Variants in SYNE2 observed in about 807,000 individuals in gnomAD.
SYNE2 encodes the protein spectrin repeat containing nuclear envelope protein 2.
In SYNE2, 431 loss-of-function variants were observed where a neutral mutation model predicts 856.3. The observed-to-expected ratio is 0.50, with a 90% CI of 0.47 to 0.55. SYNE2 has a LOEUF of 0.55. SYNE2 is among the 20% of genes least tolerant of loss of function. The pLI is 0.00. For synonymous variants in SYNE2, 2,923 were observed against 2,872.3 expected, an observed-to-expected ratio of 1.02 and a Z score of -0.56; for missense variants, 8,129 against 8,023.2, an observed-to-expected ratio of 1.01 and a Z score of -0.50.
intron 65 of SYNE2, among the ~76,000 whole-genome samples, chr14:64,111,978 A>AT (rs1257269711): frequency 6.6e-6 from 1 of 152,200 alleles, no homozygotes; most frequent in Non-Finnish European, 1.5e-5. Context: ...AAGAAATGGC[A>AT]TTTTGGCAGA....
In SYNE2 at chr14:64,212,198, T is replaced by C. The variant is rs552893876; in HGVS notation, c.18861+100T>C. ...TCACACGATACTCTGAGAGCAAATT[T>C]CAGAATTCTTAAAGCAGCCAGGCTA... On this transcript the variant is annotated intron_variant, in intron 104 of 115. Coordinates refer to ENST00000555002, the MANE Select transcript of SYNE2 (RefSeq NM_182914.3). 76 of 1,587,936 alleles carry C rather than the reference T, an allele frequency of 4.8e-5. 2 individuals carry two copies. In the South Asian group the frequency reaches 7.7e-4, roughly 16 times the overall value.
intron 109 of SYNE2, among the ~76,000 whole-genome samples, 162 bp downstream of exon 109, chr14:64,218,674 C>G (rs998085547): frequency 5.3e-5 from 8 of 152,336 alleles, no homozygotes; most frequent in Middle Eastern, 3.4e-3. Context: ...GATTGGCATT[C>G]ACGAACAAAT....
intron 78 of SYNE2, 22 bp from the exon 79 acceptor site, chr14:64,137,765 C>T (rs1479366733): frequency 1.2e-6 from 2 of 1,613,114 alleles, no homozygotes; most frequent in South Asian, 1.1e-5. Context: ...ATAATTCATT[C>T]TATGACTTTA....
chr14:64,140,243 G>T (rs556231298), intron 80 of SYNE2, among the ~76,000 whole-genome samples, 170 bp downstream of exon 80: 1 of 152,116 alleles, frequency 6.6e-6, no homozygotes, highest in Non-Finnish European at 1.5e-5. Context: ...CTGTTCATTC[G>T]TTTATAATAA....
In SYNE2 at chr14:64,125,143, A is replaced by C; in HGVS notation, c.13487A>C (p.Glu4496Ala). Reference protein sequence around the residue: ...TMYNFRYPTTEELKTYTTQLE... With the variant: ...TMYNFRYPTTAELKTYTTQLE... The stretch of plus-strand genomic sequence containing the variant: ...TATAACTTTAGATACCCAACAACTG[A>C]AGAACTGAAAACCTATACCACCCAA... The change falls in exon 71 of 116, where the codon GAA (glutamate) becomes GCA (alanine). Residue 4496 changes from glutamate to alanine, a missense_variant. Coordinates refer to ENST00000555002, the MANE Select transcript of SYNE2 (RefSeq NM_182914.3). 2 of 1,614,216 alleles carry C rather than the reference A, an allele frequency of 1.2e-6. No individual in the cohort carries two copies. Among genetic ancestry groups the C allele is most frequent in the Non-Finnish European group, 1.7e-6 (2 of 1,180,036 alleles).
At chr14:63,909,807 T>C (rs1457333340) in intron 2 of SYNE2, among the ~76,000 whole-genome samples, 2 of 152,266 alleles carry the variant, frequency 1.3e-5, no homozygotes, top group South Asian at 4.1e-4. Flanking sequence ...TGCCATTGCA[T>C]TCCAGCCTGG....
In SYNE2 at chr14:64,027,562, A is replaced by G; in HGVS notation, c.6483A>G (p.Leu2161=). 1.2e-6 allele frequency: 2 copies of G among 1,612,626 alleles called. No homozygotes were observed. Among genetic ancestry groups the G allele is most frequent in the Non-Finnish European group, 1.7e-6 (2 of 1,178,880 alleles). The change falls in exon 43 of 116, where the codon CTA becomes CTG. Residue 2161 remains leucine (L), a synonymous_variant. Coordinates refer to ENST00000555002, the MANE Select transcript of SYNE2 (RefSeq NM_182914.3). ...ATCTGAGATTAATGCTCATAGAACT[A>G]AAGAAGAAACAGGAAGCAGGCTTTG... The part of the protein sequence containing the change: ...KEDLRLMLIE[L]KKKQEAGFAL...
chr14:64,182,399 A>G (rs906450531), intron 96 of SYNE2, among the ~76,000 whole-genome samples: 2 of 151,456 alleles, frequency 1.3e-5, no homozygotes, highest in Non-Finnish European at 2.9e-5. Flanking sequence ...TTATTTGTTT[A>G]TTTATTTATA....
intron 60 of SYNE2, among the ~76,000 whole-genome samples, chr14:64,092,520 A>G (rs2097632244): frequency 6.6e-6 from 1 of 152,248 alleles, no homozygotes; most frequent in Non-Finnish European, 1.5e-5. Context: ...GAACATAGTT[A>G]TTCATTTCCA....
chr14:64,122,334 A>G lies in SYNE2; in HGVS notation c.13329A>G (p.Ser4443=). ...ATGACGTTCCAGACTCGATCTTGTC[A>G]CCCCAGGGCCAAAATGGAGATAAGT... ...PENDVPDSIL[S]PQGQNGDKWQ... The change falls in exon 70 of 116, where the codon TCA becomes TCG. Residue 4443 remains serine (S), a synonymous_variant. Coordinates refer to ENST00000555002, the MANE Select transcript of SYNE2 (RefSeq NM_182914.3). The G allele has an allele frequency of 6.2e-7, 1 of 1,614,140 alleles. No homozygotes were observed. The highest frequency in any genetic ancestry group is 8.5e-7 in the Non-Finnish European group (1 of 1,180,030).
At chr14:63,836,180 C>A (rs1198508287) in intron 1 of SYNE2, among the ~76,000 whole-genome samples, 1 of 152,036 alleles carries the variant, frequency 6.6e-6, no homozygotes, top group Non-Finnish European at 1.5e-5. Flanking sequence ...TGCCACTATG[C>A]CTGGCTAATT....
At position 63,940,541 on chromosome 14, in the gene SYNE2, T is replaced by C. The variant is rs1191866615; in HGVS notation, c.80-73T>C. On this transcript the variant is annotated intron_variant, in intron 2 of 115. Coordinates refer to ENST00000555002, the MANE Select transcript of SYNE2 (RefSeq NM_182914.3). The stretch of plus-strand genomic sequence containing the variant: ...GGCACACACCTAGCGTGACAGACCT[T>C]TGAAGCTCTGATATGTGCAGGAGGT... 3.1e-5 allele frequency: 43 copies of C among 1,402,968 alleles called. 1 individual carries two copies. The South Asian group carries it at 4.3e-4, about 14-fold the overall frequency. The allele number at this position is 1,402,968 out of a possible 1,614,324, so 86.9% of individuals were successfully genotyped here.
chr14:63,936,916 G>A (rs201528370), intron 2 of SYNE2, among the ~76,000 whole-genome samples: 2 of 152,066 alleles, frequency 1.3e-5, no homozygotes, highest in East Asian at 3.9e-4. Context: ...ATATTGTGAG[G>A]GTGGACCTAA....
chr14:64,132,458 G>T lies in SYNE2; in HGVS notation c.14514+20G>T, dbSNP rs753589683. On this transcript the variant is annotated intron_variant, in intron 77 of 115. Coordinates refer to ENST00000555002, the MANE Select transcript of SYNE2 (RefSeq NM_182914.3). Reference sequence around the variant, plus strand: ...TTGCAGGTATTTGGGTTATGTAAACGTTGTACTGAAGCTGGGAATTGCTGA... The same window carrying T: ...TTGCAGGTATTTGGGTTATGTAAACTTTGTACTGAAGCTGGGAATTGCTGA... The T allele has an allele frequency of 6.2e-7, 1 of 1,614,082 alleles. No homozygotes were observed. Among genetic ancestry groups the T allele is most frequent in the African/African-American group, 1.3e-5 (1 of 75,048 alleles).
rs1252733512 is a variant in SYNE2 at position 64,221,446 on chromosome 14, C to T, written c.20062-130C>T. ...CCCTGGCATTTAGTTTAAAGCTGGT[C>T]CTCGTATTCAGTGGGTAAGGCCAGA... On this transcript the variant is annotated intron_variant, in intron 111 of 115. Coordinates refer to ENST00000555002, the MANE Select transcript of SYNE2 (RefSeq NM_182914.3). 3 of 1,544,996 alleles carry T rather than the reference C, an allele frequency of 1.9e-6. No homozygotes were observed. The East Asian group carries it at 6.8e-5, about 35-fold the overall frequency.
intron 2 of SYNE2, among the ~76,000 whole-genome samples, chr14:63,911,930 G>A (rs1416836140): frequency 6.6e-6 from 1 of 152,128 alleles, no homozygotes; most frequent in Non-Finnish European, 1.5e-5. Flanking sequence ...AGAGTAGTAT[G>A]GACTGTTTTG....
At chr14:63,866,999 T>C (rs943157932) in intron 1 of SYNE2, among the ~76,000 whole-genome samples, 1 of 152,192 alleles carries the variant, frequency 6.6e-6, no homozygotes, top group African/African-American at 2.4e-5. Flanking sequence ...TAGTACTCAA[T>C]TGGTGCCAGA....
intron 87 of SYNE2, among the ~76,000 whole-genome samples, chr14:64,159,699 A>T (rs575583381): frequency 3.9e-5 from 6 of 152,360 alleles, no homozygotes; most frequent in Admixed American, 2.6e-4. Flanking sequence ...TCACTTACAG[A>T]CAGTATAGAC....
chr14:64,216,361 T>A lies in SYNE2; in HGVS notation c.19516T>A (p.Ser6506Thr). The A allele has an allele frequency of 6.2e-7, 1 of 1,614,210 alleles. No individual in the cohort carries two copies. The highest frequency in any genetic ancestry group is 1.3e-5 in the African/African-American group (1 of 75,054). ...DRNVPPVPPA[S>T]STPYKPPYGK... ...GAATGTTCCACCTGTTCCCCCTGCGTCCAGCACCCCTTATAAACCACCCTA... is the reference window on the plus strand; with the variant it reads ...GAATGTTCCACCTGTTCCCCCTGCGACCAGCACCCCTTATAAACCACCCTA... Residue 6506 changes from serine (S) to threonine (T), a missense_variant, in exon 108 of 116, where the codon TCC becomes ACC. Physicochemically the swap from Ser to Thr is moderately conservative, Grantham distance 58 (BLOSUM62 1). Coordinates refer to ENST00000555002, the MANE Select transcript of SYNE2 (RefSeq NM_182914.3).
Sources: allele counts gnomAD v4.1 joint callset (sites outside exome capture counted in the v4.1 genomes callset), GRCh38; gene constraint gnomAD v4.1.1; transcripts MANE v1.5; gene names NCBI Gene and HGNC (gene_info 2026-07-23, HGNC 2026-07-21).